The following SH3RF3 variants were observed in gnomAD, a reference collection of about 807,000 sequenced individuals.
The protein encoded by SH3RF3 is SH3 domain containing ring finger 3.
A neutral mutation model predicts 66.3 loss-of-function variants in SH3RF3; 29 were observed. The ratio of observed to expected loss-of-function variants is 0.44; its 90% CI spans 0.33 to 0.60. The LOEUF (loss-of-function observed/expected upper bound fraction) is 0.60, where lower values mean the gene tolerates loss of function less well. Ranked by LOEUF, SH3RF3 falls within the 20% of genes least tolerant of loss-of-function variation. SH3RF3 has a pLI of 0.04. For missense variants in SH3RF3, 1,194 were observed against 1,190.9 expected (o/e 1.00, Z -0.04); for synonymous variants, 583 against 532.0 (o/e 1.10, Z -1.32).
chr2:109,413,073 C>G (rs1376041415), intron 4 of SH3RF3, among the ~76,000 whole-genome samples: 1 of 152,174 alleles, frequency 6.6e-6, no homozygotes, highest in Non-Finnish European at 1.5e-5. Context: ...GCTGCGAAAT[C>G]CTTACCTGTA....
chr2:109,436,370 A>G (rs955297125), intron 6 of SH3RF3, among the ~76,000 whole-genome samples: 1 of 152,198 alleles, frequency 6.6e-6, no homozygotes, highest in Non-Finnish European at 1.5e-5. Context: ...GTGAAAGGGC[A>G]TCTATTTCTG....
At chr2:109,358,151 A>C (rs775854668) in intron 2 of SH3RF3, among the ~76,000 whole-genome samples, 8 of 152,216 alleles carry the variant, frequency 5.3e-5, no homozygotes, top group Non-Finnish European at 1.0e-4. Flanking sequence ...TACAATATGT[A>C]GCCTTTTCGT....
intron 8 of SH3RF3, among the ~76,000 whole-genome samples, chr2:109,475,611 G>A (rs747135697): frequency 1.3e-5 from 2 of 152,240 alleles, no homozygotes; most frequent in Non-Finnish European, 2.9e-5. Context: ...CACTATCAGA[G>A]CCAGATAATC....
intron 9 of SH3RF3, among the ~76,000 whole-genome samples, chr2:109,496,990 G>A (rs36133315): frequency 0.26 from 38,796 of 152,034 alleles, 5,298 homozygotes; most frequent in East Asian, 0.5. Context: ...GATGAAGGCA[G>A]CTTCTAGCAA....
rs1458650889 is a variant in SH3RF3 at position 109,129,795 on chromosome 2, C to G, written c.255C>G (p.Ile85Met). The G allele has an allele frequency of 1.3e-6, 2 of 1,538,746 alleles. No individual in the cohort carries two copies. The highest frequency in any genetic ancestry group is 1.7e-6 in the Non-Finnish European group (2 of 1,145,436). The change falls in exon 1 of 10, where the codon ATC becomes ATG. Residue 85 changes from isoleucine (I) to methionine (M), a missense_variant. By Grantham distance (10) the Ile-to-Met change is conservative. Coordinates refer to ENST00000309415, the MANE Select transcript of SH3RF3 (RefSeq NM_001099289.3). ...HTFCRRCLES[I>M]VCSRHELRCP... ...TCTGCCGCCGCTGCCTGGAGAGCAT[C>G]GTGTGCTCGCGCCACGAGCTGCGCT...
intron 1 of SH3RF3, among the ~76,000 whole-genome samples, chr2:109,345,414 C>T (rs1682666405): frequency 6.6e-6 from 1 of 152,038 alleles, no homozygotes. Flanking sequence ...GCTGGCCCTT[C>T]CTGCCCACTG....
At chr2:109,473,206 T>C (rs568366072) in intron 8 of SH3RF3, among the ~76,000 whole-genome samples, 1 of 152,318 alleles carries the variant, frequency 6.6e-6, no homozygotes, top group East Asian at 1.9e-4. Flanking sequence ...TGCCTAGACA[T>C]ACGAGCGCCT....
At chr2:109,174,616 C>G (rs1251561031) in intron 1 of SH3RF3, among the ~76,000 whole-genome samples, 2 of 152,174 alleles carry the variant, frequency 1.3e-5, no homozygotes, top group Non-Finnish European at 2.9e-5. Context: ...TGGCTGAAGC[C>G]TTGCTATGTT....
intron 5 of SH3RF3, among the ~76,000 whole-genome samples, chr2:109,429,335 G>A (rs1677125736): frequency 6.6e-6 from 1 of 152,170 alleles, no homozygotes; most frequent in Non-Finnish European, 1.5e-5. Context: ...AGGCAGAGAA[G>A]AGATTTTTCA....
chr2:109,187,882 G>A (rs573631073), intron 1 of SH3RF3, among the ~76,000 whole-genome samples: 2 of 152,152 alleles, frequency 1.3e-5, no homozygotes, highest in Admixed American at 1.3e-4. Context: ...TCCTGCCGCC[G>A]TCACCGTGGG....
At chr2:109,417,661 A>T (rs2104512924) in intron 4 of SH3RF3, among the ~76,000 whole-genome samples, 1 of 152,220 alleles carries the variant, frequency 6.6e-6, no homozygotes, top group East Asian at 1.9e-4. Flanking sequence ...TGAGACTTGG[A>T]GTTACCCTAG....
chr2:109,187,335 T>C (rs904548537), intron 1 of SH3RF3, among the ~76,000 whole-genome samples: 1 of 149,374 alleles, frequency 6.7e-6, no homozygotes, highest in African/African-American at 2.5e-5. Context: ...AGCTCTTTTC[T>C]CCAGAGTGCA....
chr2:109,328,937 C>T (rs753408598), intron 1 of SH3RF3, among the ~76,000 whole-genome samples: 4 of 152,154 alleles, frequency 2.6e-5, no homozygotes, highest in Non-Finnish European at 4.4e-5. Flanking sequence ...GGGTTGTTAA[C>T]GGGGTGGTCA....
At position 109,418,132 on chromosome 2, in the gene SH3RF3, G is replaced by A. The variant is rs551195113; in HGVS notation, c.1300-1407G>A. Among the ~76,000 whole-genome samples the A allele has an allele frequency of 1.3e-4, 20 of 152,216 alleles. No homozygotes were observed. The East Asian group carries it at 3.1e-3, about 24-fold the overall frequency. On this transcript the variant is annotated intron_variant, in intron 4 of 9. Transcript: ENST00000309415. ...CACCCCACCAAACCTGCCTTTGGCC[G>A]AGGTACCTGCAGCCTGGCCCCGTCC...
intron 1 of SH3RF3, among the ~76,000 whole-genome samples, chr2:109,220,894 A>G (rs1427457233): frequency 3.3e-5 from 5 of 152,262 alleles, no homozygotes; most frequent in African/African-American, 4.8e-5. Flanking sequence ...AATTAACTAT[A>G]TAATCCAGCA....
intron 1 of SH3RF3, chr2:109,251,325 G>C (rs914017387): frequency 1.9e-5 from 9 of 477,102 alleles, no homozygotes; most frequent in Non-Finnish European, 3.5e-5. Context: ...CTTTAACAAA[G>C]AATTAGAGAG....
intron 8 of SH3RF3, among the ~76,000 whole-genome samples, chr2:109,451,103 G>T (rs1677855313): frequency 6.6e-6 from 1 of 152,224 alleles, no homozygotes; most frequent in Non-Finnish European, 1.5e-5. Flanking sequence ...CTCCTGTGTT[G>T]TTCAGTCCAG....
intron 1 of SH3RF3, among the ~76,000 whole-genome samples, chr2:109,307,554 C>G (rs2105415916): frequency 7.1e-6 from 1 of 140,914 alleles, no homozygotes; most frequent in East Asian, 2.1e-4. Flanking sequence ...GGTATATCTC[C>G]CAATGCTATC....
rs1016289855 is a variant in SH3RF3, at chr2:109,449,636, G to A, written c.2148+147G>A. 9.9e-6 allele frequency: 11 copies of A among 1,110,062 alleles called. No individual in the cohort carries two copies. The African/African-American group carries it at 1.8e-4, about 18-fold the overall frequency. 68.8% of individuals were successfully genotyped at this position (1,110,062 alleles called of 1,614,324 possible). A position where few individuals can be genotyped will look rare whatever the true frequency, so the allele number is the denominator to read the frequency against. ...CCCTAGATGAACCAGGCGTGTGACA[G>A]AGAGGGAGCCAAACCACCAGAGCAG... On this transcript the variant is annotated intron_variant, in intron 8 of 9. Coordinates refer to ENST00000309415, the MANE Select transcript of SH3RF3 (RefSeq NM_001099289.3).
Sources: allele counts gnomAD v4.1 joint callset (sites outside exome capture counted in the v4.1 genomes callset), GRCh38; gene constraint gnomAD v4.1.1; transcripts MANE v1.5; gene names NCBI Gene and HGNC (gene_info 2026-07-23, HGNC 2026-07-21).